TUSC3: variants seen among roughly 807,000 people sequenced by gnomAD.
TUSC3 encodes the protein tumor suppressor candidate 3.
TUSC3 carries 45 observed loss-of-function variants against 44.8 expected under a neutral mutation model. That is an observed-to-expected ratio of 1.00 (90% CI 0.79 to 1.29). The LOEUF (loss-of-function observed/expected upper bound fraction) is 1.29. TUSC3 is among the 50% of genes most tolerant of loss of function. The pLI, the probability that TUSC3 is intolerant of heterozygous loss-of-function variation, is 0.00. For synonymous variants in TUSC3, 212 were observed against 152.9 expected, an observed-to-expected ratio of 1.39 and a Z score of -2.85; for missense variants, 519 against 437.9, an observed-to-expected ratio of 1.19 and a Z score of -1.65.
At chr8:15,690,424 C>G (rs1187851784) in intron 6 of TUSC3, among the ~76,000 whole-genome samples, 1 of 151,822 alleles carries the variant, frequency 6.6e-6, no homozygotes, top group Non-Finnish European at 1.5e-5. Context: ...GTATAATTTG[C>G]AGCCACTTTC....
At position 15,650,779 on chromosome 8, in the gene TUSC3, G is replaced by A. The variant is rs761579810; in HGVS notation, c.391G>A (p.Val131Met). Residue 131 changes from valine (V) to methionine (M), a missense_variant, in exon 3 of 11, where the codon GTG becomes ATG. Val to Met is a conservative substitution (Grantham distance 21, BLOSUM62 1). Transcript: ENST00000503731. ...TTGTAACAAGCTCTTCTTCAGTATG[G>A]TGGACTATGATGAGGGGACAGACGT... ...AFCNKLFFSM[V>M]DYDEGTDVFQ... is the part of the protein sequence containing the mutation. 5 of 1,614,122 alleles carry A rather than the reference G, an allele frequency of 3.1e-6. No homozygotes were observed. Among genetic ancestry groups the A allele is most frequent in the Non-Finnish European group, 4.2e-6 (5 of 1,180,014 alleles).
At chr8:15,422,605 A>T (rs1475198219) in intron 1 of TUSC3, among the ~76,000 whole-genome samples, 4 of 152,158 alleles carry the variant, frequency 2.6e-5, no homozygotes, top group Admixed American at 2.0e-4. Flanking sequence ...ACAACAATAA[A>T]AAAGTATAGT....
At chr8:15,648,207 C>T (rs187925572) in intron 2 of TUSC3, among the ~76,000 whole-genome samples, 1 of 152,152 alleles carries the variant, frequency 6.6e-6, no homozygotes, top group Non-Finnish European at 1.5e-5. Flanking sequence ...ACTCTGTCTT[C>T]TAACATTGGT....
chr8:15,483,726 G>T (rs368809522), intron 2 of TUSC3, among the ~76,000 whole-genome samples: 57 of 139,154 alleles, frequency 4.1e-4, no homozygotes, highest in African/African-American at 1.4e-3. Flanking sequence ...TGCCATCTCG[G>T]CTCACTGCAA....
At chr8:15,806,858 G>C in the TUSC3 span, 4 of 1,066,774 alleles carry the variant, frequency 3.7e-6, no homozygotes, top group Non-Finnish European at 4.3e-6. Context: ...AGTCTTCATA[G>C]TTAATGAAAT....
the TUSC3 span, among the ~76,000 whole-genome samples, chr8:15,820,328 T>C: frequency 6.7e-6 from 1 of 148,876 alleles, no homozygotes; most frequent in Non-Finnish European, 1.5e-5. Context: ...TTTTTTTTTT[T>C]TTGAGACAGA....
At chr8:15,421,227 A>T (rs1799734171) in intron 1 of TUSC3, among the ~76,000 whole-genome samples, 2 of 152,094 alleles carry the variant, frequency 1.3e-5, no homozygotes, top group African/African-American at 4.8e-5. Flanking sequence ...CCCCTGCAAC[A>T]TCCCCCTCAT....
the TUSC3 span, among the ~76,000 whole-genome samples, chr8:15,803,180 G>C: frequency 4.0e-5 from 6 of 151,304 alleles, no homozygotes; most frequent in Middle Eastern, 3.4e-3. Flanking sequence ...TTTCCAAATT[G>C]CCTAAAACGT....
intron 1 of TUSC3, among the ~76,000 whole-genome samples, chr8:15,459,707 A>G (rs1267444957): frequency 1.3e-5 from 2 of 152,084 alleles, no homozygotes; most frequent in Non-Finnish European, 2.9e-5. Flanking sequence ...CATATCAGTG[A>G]GAAGATATGA....
At chr8:15,769,316 A>C (rs1812401158), downstream of TUSC3, among the ~76,000 whole-genome samples, 1 of 152,222 alleles carries the variant, frequency 6.6e-6, no homozygotes, top group Non-Finnish European at 1.5e-5. Flanking sequence ...AACTTGACAA[A>C]AACAATGGGG....
the TUSC3 span, among the ~76,000 whole-genome samples, chr8:15,832,478 C>T: frequency 1.3e-5 from 2 of 152,112 alleles, no homozygotes; most frequent in African/African-American, 2.4e-5. Flanking sequence ...AATCAAAAGA[C>T]ACAGAGTGGC....
chr8:15,769,237 C>T (rs988531534), downstream of TUSC3, among the ~76,000 whole-genome samples: 3 of 152,028 alleles, frequency 2.0e-5, no homozygotes, highest in African/African-American at 7.2e-5. Flanking sequence ...ATATATAGAC[C>T]AATGGAACGG....
intron 6 of TUSC3, among the ~76,000 whole-genome samples, chr8:15,729,338 AC>A (rs1413317573): frequency 6.6e-6 from 1 of 152,188 alleles, no homozygotes; most frequent in East Asian, 1.9e-4. Context: ...ACATACCTAT[AC>A]AAACAGTCCT....
At chr8:15,833,047 T>A in the TUSC3 span, among the ~76,000 whole-genome samples, 2 of 151,948 alleles carry the variant, frequency 1.3e-5, no homozygotes, top group Non-Finnish European at 2.9e-5. Context: ...AAACAGGGAA[T>A]GGACATGAAC....
chr8:15,765,432 T>C lies in TUSC3; in HGVS notation c.*1276T>C, dbSNP rs575383371. On this transcript the variant is annotated 3_prime_UTR_variant, in exon 11 of 11. Coordinates refer to ENST00000503731, the MANE Select transcript of TUSC3 (RefSeq NM_006765.4). ...AACAGACCATGGAGAATTGTTTTCA[T>C]TGGGAGTTCCAGCTATATAGCCTCA... 3 of 152,132 alleles carry C rather than the reference T, an allele frequency of 2.0e-5. No homozygotes were observed. Among genetic ancestry groups the C allele is most frequent in the South Asian group, 2.1e-4 (1 of 4,828 alleles). The allele number at this position is 152,132 out of a possible 1,614,324, so 9.4% of individuals were successfully genotyped here.
chr8:15,469,983 A>G lies in TUSC3; in HGVS notation n.92-13403A>G, dbSNP rs143806157. 2.3e-3 allele frequency among the ~76,000 whole-genome samples: 354 copies of G among 152,172 alleles called. 3 individuals are homozygous for G. The East Asian group carries it at 0.044, about 19-fold the overall frequency. On this transcript the variant is annotated intron_variant and non_coding_transcript_variant, in intron 1 of 5. Transcript: ENST00000503191. ...TAAAGAGATCAGTGGAGGCTGGGTGAGGTGGCTTACGCCTGTAATCCCAGT... is the reference window on the plus strand; with the variant it reads ...TAAAGAGATCAGTGGAGGCTGGGTGGGGTGGCTTACGCCTGTAATCCCAGT...
intron 2 of TUSC3, among the ~76,000 whole-genome samples, chr8:15,643,112 C>T (rs2129172462): frequency 6.6e-6 from 1 of 152,250 alleles, no homozygotes; most frequent in Non-Finnish European, 1.5e-5. Flanking sequence ...GCTTTTCCGC[C>T]TTTGCTTGGC....
At chr8:15,541,976 G>A (rs1801707415) in intron 1 of TUSC3, among the ~76,000 whole-genome samples, 1 of 150,114 alleles carries the variant, frequency 6.7e-6, no homozygotes, top group Middle Eastern at 3.5e-3. Context: ...GAACCCCAAA[G>A]TATTTTAAGA....
intron 5 of TUSC3, among the ~76,000 whole-genome samples, chr8:15,669,869 T>C (rs1807865500): frequency 6.6e-6 from 1 of 151,512 alleles, no homozygotes; most frequent in Non-Finnish European, 1.5e-5. Context: ...CCGGTAAAAA[T>C]AAAATTGCCC....
Sources: allele counts gnomAD v4.1 joint callset (sites outside exome capture counted in the v4.1 genomes callset), GRCh38; gene constraint gnomAD v4.1.1; transcripts MANE v1.5; gene names NCBI Gene and HGNC (gene_info 2026-07-23, HGNC 2026-07-21).